Variants in DIP2C observed in about 807,000 individuals in gnomAD.
DIP2C encodes DIP2 acetate--CoA ligase C (putative), also known as disco-interacting protein 2 homolog C.
Under a neutral mutation model 192.4 loss-of-function variants are expected in DIP2C, and 33 were observed. That is an observed-to-expected ratio of 0.17 (90% confidence interval 0.13 to 0.23). The LOEUF (loss-of-function observed/expected upper bound fraction) is 0.23. Among genes scored for constraint, DIP2C ranks in the 10% least tolerant of loss-of-function variants. The probability of loss-of-function intolerance (pLI) is 1.00; values close to 1 mark genes in which losing one functional copy is unlikely to be tolerated. For missense variants in DIP2C, 1,537 were observed against 2,110.1 expected (o/e 0.73, Z 5.32); for synonymous variants, 979 against 864.1 (o/e 1.13, Z -2.33).
intron 1 of DIP2C, among the ~76,000 whole-genome samples, chr10:562,227 C>A: frequency 1.3e-5 from 2 of 152,318 alleles, no homozygotes; most frequent in Admixed American, 1.3e-4. Context: ...ACAGAGGATC[C>A]ACGTCAAAGG....
chr10:349,203 T>A, intron 25 of DIP2C, 128 bp downstream of exon 25: 1 of 1,340,752 alleles, frequency 7.5e-7, no homozygotes, highest in Non-Finnish European at 1.0e-6. Context: ...AGCATCCAGC[T>A]GGATACAGTG....
chr10:387,629 G>T (rs1963076816), intron 14 of DIP2C, 116 bp downstream of exon 14: 2 of 876,388 alleles, frequency 2.3e-6, no homozygotes, highest in South Asian at 2.8e-5. Flanking sequence ...CAGACAGTGT[G>T]GGGAGGGGAC....
At chr10:527,745 C>T (rs1466676487) in intron 1 of DIP2C, among the ~76,000 whole-genome samples, 1 of 152,190 alleles carries the variant, frequency 6.6e-6, no homozygotes, top group African/African-American at 2.4e-5. Flanking sequence ...GATGGTTGGC[C>T]TAGAACCACA....
At chr10:333,103 A>C (rs1303966837) in intron 29 of DIP2C, among the ~76,000 whole-genome samples, 1 of 152,068 alleles carries the variant, frequency 6.6e-6, no homozygotes, top group African/African-American at 2.4e-5. Context: ...AGGTTTCATC[A>C]TGTTGGCCAG....
intron 1 of DIP2C, among the ~76,000 whole-genome samples, chr10:638,406 A>G (rs897068472): frequency 5.3e-5 from 8 of 152,234 alleles, no homozygotes; most frequent in African/African-American, 1.9e-4. Context: ...TCGTGCTGAC[A>G]GCAGGGTTTG....
In DIP2C at chr10:394,205, G is replaced by C. The variant is rs199908184; in HGVS notation, c.1261-3342C>G. Among the ~76,000 whole-genome samples the C allele has an allele frequency of 2.0e-5, 3 of 152,226 alleles. No homozygotes were observed. The East Asian group carries it at 5.8e-4, about 29-fold the overall frequency. On this transcript the variant is annotated intron_variant, in intron 10 of 36. Coordinates refer to ENST00000280886, the MANE Select transcript of DIP2C (RefSeq NM_014974.3). ...GAATGGATGCAGAGCAGGCAGAGCCGGCACACTGGGCGCTATTCAGCCTTC... is the reference window on the plus strand; with the variant it reads ...GAATGGATGCAGAGCAGGCAGAGCCCGCACACTGGGCGCTATTCAGCCTTC...
intron 9 of DIP2C, among the ~76,000 whole-genome samples, 190 bp from the exon 10 acceptor site, chr10:399,409 G>A (rs4880636): frequency 0.98 from 149,023 of 152,348 alleles, 72,933 homozygotes; most frequent in South Asian, 1. Context: ...GAAGACAAAC[G>A]TGAACAGTCG....
At chr10:390,906 C>G (rs749629265) in intron 10 of DIP2C, 43 bp from the exon 11 acceptor site, 34 of 1,606,212 alleles carry the variant, frequency 2.1e-5, no homozygotes, top group Non-Finnish European at 3.4e-6. Flanking sequence ...ACGACCTGCC[C>G]CACTCCGCCC....
intron 1 of DIP2C, among the ~76,000 whole-genome samples, chr10:587,555 TAAC>T (rs1360600988): frequency 1.3e-5 from 2 of 152,068 alleles, no homozygotes; most frequent in African/African-American, 2.4e-5. Flanking sequence ...CATTGATCAA[TAAC>T]AAGTCGCTTC....
intron 1 of DIP2C, among the ~76,000 whole-genome samples, chr10:568,398 A>C (rs1425583759): frequency 6.6e-6 from 1 of 152,220 alleles, no homozygotes; most frequent in Non-Finnish European, 1.5e-5. Context: ...AAATGAGAGC[A>C]AAAAGAAACG....
chr10:339,586 C>T (rs1349673816), intron 29 of DIP2C, among the ~76,000 whole-genome samples: 1 of 152,144 alleles, frequency 6.6e-6, no homozygotes. Flanking sequence ...GTATACTTTG[C>T]CAAATGAAAT....
At chr10:603,051 A>C (rs1352956578) in intron 1 of DIP2C, among the ~76,000 whole-genome samples, 2 of 152,188 alleles carry the variant, frequency 1.3e-5, no homozygotes, top group African/African-American at 4.8e-5. Context: ...AAACCAGCCC[A>C]GGAATTCCAC....
intron 3 of DIP2C, among the ~76,000 whole-genome samples, chr10:450,606 C>G (rs1041009584): frequency 2.6e-5 from 4 of 152,200 alleles, no homozygotes; most frequent in African/African-American, 9.6e-5. Flanking sequence ...CAGCTGTCTA[C>G]TAGCAGCAGC....
chr10:442,410 C>A (rs1243290762), intron 3 of DIP2C, among the ~76,000 whole-genome samples: 1 of 152,076 alleles, frequency 6.6e-6, no homozygotes, highest in Non-Finnish European at 1.5e-5. Flanking sequence ...TTTCTAATTC[C>A]CAGGTCAAAA....
At chr10:620,289 A>T (rs1371444825) in intron 1 of DIP2C, among the ~76,000 whole-genome samples, 1 of 152,180 alleles carries the variant, frequency 6.6e-6, no homozygotes, top group Middle Eastern at 3.2e-3. Flanking sequence ...ACAACTATCA[A>T]TGTGTAAAAT....
At chr10:521,890 C>T (rs931234148) in intron 1 of DIP2C, among the ~76,000 whole-genome samples, 1 of 152,074 alleles carries the variant, frequency 6.6e-6, no homozygotes, top group African/African-American at 2.4e-5. Context: ...CCACCCCCAC[C>T]GGACCAGCAT....
chr10:578,401 A>C (rs1418340452), intron 1 of DIP2C, among the ~76,000 whole-genome samples: 1 of 152,200 alleles, frequency 6.6e-6, no homozygotes, highest in Non-Finnish European at 1.5e-5. Context: ...TGTGATATGG[A>C]AAGCTAGACA....
chr10:430,937 G>T (rs1219116998), intron 4 of DIP2C, among the ~76,000 whole-genome samples: 1 of 152,172 alleles, frequency 6.6e-6, no homozygotes, highest in African/African-American at 2.4e-5. Flanking sequence ...TTTGCATATG[G>T]ATGTCCAGTT....
intron 1 of DIP2C, among the ~76,000 whole-genome samples, chr10:565,709 T>A (rs544493917): frequency 6.6e-6 from 1 of 152,356 alleles, no homozygotes; most frequent in African/African-American, 2.4e-5. Flanking sequence ...TTCAAACTCC[T>A]GCAGTTGCCC....
Sources: gnomAD v4.1 joint callset for allele counts (sites outside exome capture counted in the v4.1 genomes callset) on GRCh38, gnomAD v4.1.1 for gene constraint, MANE v1.5 for transcripts, NCBI Gene and HGNC (gene_info 2026-07-23, HGNC 2026-07-21) for gene names.